The following SDK1 variants were observed in gnomAD, a reference collection of about 807,000 sequenced individuals.
The protein encoded by SDK1 is sidekick cell adhesion molecule 1, also known as protein sidekick-1.
Under a neutral mutation model 245.5 loss-of-function variants are expected in SDK1, and 157 were observed. That is an observed-to-expected ratio of 0.64 (90% CI 0.56 to 0.73). SDK1 has a LOEUF of 0.73. Ranked by LOEUF, SDK1 falls within the 30% of genes least tolerant of loss-of-function variation. The probability of loss-of-function intolerance (pLI) is 0.00; values close to 1 mark genes in which losing one functional copy is unlikely to be tolerated. For missense variants in SDK1, 3,583 were observed against 3,002.3 expected, an observed-to-expected ratio of 1.19 and a Z score of -4.52; for synonymous variants, 1,647 against 1,278.5, an observed-to-expected ratio of 1.29 and a Z score of -6.15.
chr7:3,607,882 C>G (rs1026998837), intron 1 of SDK1, among the ~76,000 whole-genome samples: 3 of 152,224 alleles, frequency 2.0e-5, no homozygotes, highest in Non-Finnish European at 4.4e-5. Context: ...ATCCTTGAGA[C>G]AAGTCTAGAG....
intron 4 of SDK1, among the ~76,000 whole-genome samples, chr7:3,796,169 T>C (rs562785082): frequency 5.3e-5 from 8 of 152,180 alleles, no homozygotes; most frequent in Non-Finnish European, 1.2e-4. Flanking sequence ...AAAACAGTTC[T>C]GCAAAATGAA....
intron 4 of SDK1, among the ~76,000 whole-genome samples, chr7:3,644,789 AAAAC>A (rs1295445291): frequency 9.9e-5 from 14 of 141,570 alleles, no homozygotes; most frequent in African/African-American, 3.2e-4. Context: ...AAAAAAAAAA[AAAAC>A]AAAAAACAAC....
intron 4 of SDK1, chr7:3,643,765 TC>T (rs1216595125): frequency 6.7e-6 from 1 of 149,548 alleles, no homozygotes; most frequent in Non-Finnish European, 1.5e-5. Flanking sequence ...GATTCTCCTC[TC>T]CCACCCCCAC....
chr7:3,923,488 T>C (rs1268664329), intron 5 of SDK1, among the ~76,000 whole-genome samples: 2 of 152,164 alleles, frequency 1.3e-5, no homozygotes, highest in Admixed American at 1.3e-4. Context: ...CTTAGTGTGC[T>C]CAAGAGGTTC....
intron 5 of SDK1, among the ~76,000 whole-genome samples, chr7:3,938,645 CAA>C (rs559065786): frequency 2.8e-4 from 25 of 90,500 alleles, no homozygotes; most frequent in Non-Finnish European, 2.4e-4. Flanking sequence ...GACTCCGTCT[CAA>C]AAAAAAAAAA....
chr7:4,148,312 A>G (rs1446201633), intron 29 of SDK1, among the ~76,000 whole-genome samples: 4 of 152,188 alleles, frequency 2.6e-5, no homozygotes, highest in Non-Finnish European at 5.9e-5. Flanking sequence ...AATAATCTTC[A>G]TGATAAACAA....
chr7:3,965,486 T>A (rs1045229969), intron 9 of SDK1, among the ~76,000 whole-genome samples: 23 of 152,010 alleles, frequency 1.5e-4, no homozygotes, highest in African/African-American at 5.3e-4. Flanking sequence ...TAGTAGGAGG[T>A]TTTTTGCAAA....
intron 5 of SDK1, among the ~76,000 whole-genome samples, chr7:3,927,004 T>A (rs1779794896): frequency 6.6e-6 from 1 of 152,186 alleles, no homozygotes; most frequent in African/African-American, 2.4e-5. Context: ...GGCCCGTCAA[T>A]GCCTCCACCG....
intron 1 of SDK1, among the ~76,000 whole-genome samples, chr7:3,339,740 G>A (rs992593263): frequency 6.6e-6 from 1 of 151,978 alleles, no homozygotes; most frequent in African/African-American, 2.4e-5. Context: ...GTCCCAAGAG[G>A]GAAATTTATA....
chr7:3,758,560 T>G (rs1381169623), intron 4 of SDK1, among the ~76,000 whole-genome samples: 1 of 152,232 alleles, frequency 6.6e-6, no homozygotes, highest in Non-Finnish European at 1.5e-5. Flanking sequence ...AAATGGCTCC[T>G]ACTGTGGCCT....
intron 4 of SDK1, among the ~76,000 whole-genome samples, chr7:3,714,311 A>T (rs994882109): frequency 2.6e-5 from 4 of 152,242 alleles, no homozygotes; most frequent in Non-Finnish European, 5.9e-5. Context: ...ATATGAAGGA[A>T]AATCATTACT....
intron 1 of SDK1, among the ~76,000 whole-genome samples, chr7:3,309,760 T>C (rs1779506654): frequency 6.6e-6 from 1 of 152,304 alleles, no homozygotes; most frequent in Admixed American, 6.5e-5. Context: ...GATACATGAG[T>C]TCACAAACAT....
chr7:3,447,741 G>A (rs1021719887), intron 1 of SDK1, among the ~76,000 whole-genome samples: 1 of 118,066 alleles, frequency 8.5e-6, no homozygotes, highest in East Asian at 2.5e-4. Context: ...TTTCACTCTC[G>A]TTGCCCAGGC....
chr7:3,407,493 G>T (rs894105781), intron 1 of SDK1, among the ~76,000 whole-genome samples: 7 of 152,094 alleles, frequency 4.6e-5, no homozygotes, highest in African/African-American at 1.7e-4. Context: ...ATGAATGAGT[G>T]AACCAGTAAA....
At chr7:3,483,867 G>T (rs904555526) in intron 1 of SDK1, among the ~76,000 whole-genome samples, 3 of 151,842 alleles carry the variant, frequency 2.0e-5, no homozygotes, top group African/African-American at 7.3e-5. Flanking sequence ...TTATATATAC[G>T]TTGGATAAGC....
intron 4 of SDK1, among the ~76,000 whole-genome samples, chr7:3,803,188 C>T (rs962162302): frequency 2.6e-5 from 4 of 152,112 alleles, no homozygotes; most frequent in Admixed American, 2.0e-4. Context: ...TTTGCATTTC[C>T]CTAATGGCTA....
At chr7:4,136,065 C>T (rs543220856) in intron 28 of SDK1, among the ~76,000 whole-genome samples, 11 of 152,330 alleles carry the variant, frequency 7.2e-5, no homozygotes, top group African/African-American at 2.4e-4. Flanking sequence ...CTGAAAGCCA[C>T]TGAAGCCCAA....
chr7:3,934,784 C>T (rs533130088), intron 5 of SDK1, among the ~76,000 whole-genome samples: 13 of 152,264 alleles, frequency 8.5e-5, no homozygotes, highest in Admixed American at 3.3e-4. Flanking sequence ...CAAAGATGTA[C>T]GTGCAATAGT....
intron 1 of SDK1, among the ~76,000 whole-genome samples, chr7:3,613,052 G>T (rs774005708): frequency 7.4e-4 from 112 of 152,294 alleles, no homozygotes; most frequent in Non-Finnish European, 1.3e-3. Flanking sequence ...GCTCTCTTGG[G>T]CAGAGTCAAA....
Sources: allele counts gnomAD v4.1 joint callset (sites outside exome capture counted in the v4.1 genomes callset), GRCh38; gene constraint gnomAD v4.1.1; transcripts MANE v1.5; gene names NCBI Gene and HGNC (gene_info 2026-07-23, HGNC 2026-07-21).